Variants in RIMKLA observed in about 807,000 individuals in gnomAD.
RIMKLA encodes the protein ribosomal modification protein rimK like family member A.
Under a neutral mutation model 32.7 loss-of-function variants are expected in RIMKLA, and 14 were observed. That is an observed-to-expected ratio of 0.43 (90% CI 0.28 to 0.67). The LOEUF is 0.67. Among genes scored for constraint, RIMKLA ranks in the 30% least tolerant of loss-of-function variants. The pLI is 0.18. For missense variants in RIMKLA, 410 were observed against 519.0 expected (o/e 0.79, Z 2.04); for synonymous variants, 176 against 204.1 (o/e 0.86, Z 1.18).
chr1:42,393,516 G>A (rs12751841), intron 1 of RIMKLA, among the ~76,000 whole-genome samples: 1 of 152,134 alleles, frequency 6.6e-6, no homozygotes, highest in African/African-American at 2.4e-5. Context: ...AGAGAAAATG[G>A]CCACATAAAT....
At chr1:42,405,632 A>G (rs1449602323) in intron 3 of RIMKLA, among the ~76,000 whole-genome samples, 1 of 152,212 alleles carries the variant, frequency 6.6e-6, no homozygotes, top group African/African-American at 2.4e-5. Flanking sequence ...CCTGGGCGAC[A>G]GAGTGAGACC....
chr1:42,412,589 G>A, intron 4 of RIMKLA: 2 of 508,656 alleles, frequency 3.9e-6, no homozygotes, highest in Admixed American at 2.0e-5. Flanking sequence ...CTCCCCACTT[G>A]TTTAACCTGC....
In RIMKLA at chr1:42,421,941, A is replaced by T. The variant is rs909700406; in HGVS notation, c.*6967A>T. ...ACAATATAATGGCGTGCTATTGCAC[A>T]TCTCTTCCCAACCTGAACATTCAGT... On this transcript the variant is annotated 3_prime_UTR_variant, in exon 5 of 5. Transcript: ENST00000431473. The surrounding 1 kb of genome is among the most constrained non-coding windows in gnomAD (Gnocchi z 4.6). 2.0e-5 allele frequency: 3 copies of T among 152,234 alleles called. No homozygotes were observed. The highest frequency in any genetic ancestry group is 7.2e-5 in the African/African-American group (3 of 41,462). The allele number at this position is 152,234 out of a possible 1,614,324, so 9.4% of individuals were successfully genotyped here.
Position 42,418,303 on chromosome 1 carries a change from T to G in RIMKLA, c.*3329T>G, listed in dbSNP as rs1643268173. 1 of 152,216 alleles carries G rather than the reference T, an allele frequency of 6.6e-6. No individual in the cohort carries two copies. The highest frequency in any genetic ancestry group is 1.5e-5 in the Non-Finnish European group (1 of 68,044). The allele number at this position is 152,216 out of a possible 1,614,324, so 9.4% of individuals were successfully genotyped here. A position where few individuals can be genotyped will look rare whatever the true frequency, so the allele number is the denominator to read the frequency against. ...GGGAAAAATGTCTTCATGCTGTTTT[T>G]CTGATCGGGTATGGGGTTGCCAGAA... On this transcript the variant is annotated 3_prime_UTR_variant, in exon 5 of 5. Transcript: ENST00000431473.
In RIMKLA at chr1:42,418,438, A is replaced by G. The variant is rs1643269230; in HGVS notation, c.*3464A>G. Reference sequence around the variant, plus strand: ...TTGCTTCCAGCTAAAAGGAGATTCCATGACCATGGGGACCAGGAGAGGAGG... The same window carrying G: ...TTGCTTCCAGCTAAAAGGAGATTCCGTGACCATGGGGACCAGGAGAGGAGG... On this transcript the variant is annotated 3_prime_UTR_variant, in exon 5 of 5. Coordinates refer to ENST00000431473, the MANE Select transcript of RIMKLA (RefSeq NM_173642.4). The G allele has an allele frequency of 6.6e-6, 1 of 152,238 alleles. No individual in the cohort carries two copies. Among genetic ancestry groups the G allele is most frequent in the Admixed American group, 6.5e-5 (1 of 15,280 alleles). 9.4% of individuals were successfully genotyped at this position (152,238 alleles called of 1,614,324 possible).
At chr1:42,384,514 T>G (rs1642917728) in intron 1 of RIMKLA, among the ~76,000 whole-genome samples, 1 of 148,912 alleles carries the variant, frequency 6.7e-6, no homozygotes, top group Admixed American at 6.8e-5. Flanking sequence ...TATATATGTA[T>G]ATATGTGTGT....
rs1009737943 is a variant in RIMKLA, at chr1:42,422,118, A to G, written c.*7144A>G. The G allele has an allele frequency of 6.6e-6, 1 of 152,194 alleles. No homozygotes were observed. Among genetic ancestry groups the G allele is most frequent in the Non-Finnish European group, 1.5e-5 (1 of 68,046 alleles). The allele number at this position is 152,194 out of a possible 1,614,324, so 9.4% of individuals were successfully genotyped here. ...TGCTGCTGGGAGACAGAGAGAAGAA[A>G]CTGATACACGTGAGCACTGAAACAT... On this transcript the variant is annotated 3_prime_UTR_variant, in exon 5 of 5. Coordinates refer to ENST00000431473, the MANE Select transcript of RIMKLA (RefSeq NM_173642.4).
At chr1:42,401,294 G>A (rs995067598) in intron 2 of RIMKLA, among the ~76,000 whole-genome samples, 1 of 152,154 alleles carries the variant, frequency 6.6e-6, no homozygotes, top group Non-Finnish European at 1.5e-5. Flanking sequence ...ACAGGCCACA[G>A]CCTGTTATTA....
At chr1:42,413,521 A>AAAAG (rs1282948558) in intron 4 of RIMKLA, among the ~76,000 whole-genome samples, 6 of 151,308 alleles carry the variant, frequency 4.0e-5, no homozygotes, top group African/African-American at 7.3e-5. Context: ...AAAAAAAAAA[A>AAAAG]AAAGAAAGAA....
Position 42,414,748 on chromosome 1 carries a change from T to C in RIMKLA, c.950T>C (p.Leu317Pro), listed in dbSNP as rs904688570. The stretch of plus-strand genomic sequence containing the variant: ...GGAAAGATGGCTGTCCTCCCAGGAC[T>C]GTCGAGTCCAAGGGAGAAGAACGAG... ...QTGKMAVLPGLSSPREKNEPD... is the reference protein window; with the variant it reads ...QTGKMAVLPGPSSPREKNEPD... The change falls in exon 5 of 5, where the codon CTG becomes CCG. Residue 317 changes from leucine (L) to proline (P), a missense_variant. Transcript: ENST00000431473. 2 of 1,614,080 alleles carry C rather than the reference T, an allele frequency of 1.2e-6. No individual in the cohort carries two copies. The highest frequency in any genetic ancestry group is 2.7e-5 in the African/African-American group (2 of 74,932).
intron 4 of RIMKLA, among the ~76,000 whole-genome samples, chr1:42,414,126 A>T (rs1343957972): frequency 6.6e-6 from 1 of 151,590 alleles, no homozygotes; most frequent in Admixed American, 6.6e-5. Flanking sequence ...ATAATTTTTC[A>T]TTTCTTCATT....
chr1:42,402,842 C>T (rs952516780), intron 2 of RIMKLA, among the ~76,000 whole-genome samples: 5 of 152,078 alleles, frequency 3.3e-5, no homozygotes, highest in African/African-American at 9.7e-5. Flanking sequence ...CCGCCCACCT[C>T]GGCGCCCACG....
chr1:42,403,034 C>G (rs1643114222), intron 2 of RIMKLA, among the ~76,000 whole-genome samples: 1 of 152,134 alleles, frequency 6.6e-6, no homozygotes, highest in Non-Finnish European at 1.5e-5. Context: ...CCCACTGTAC[C>G]TACAAAACAC....
chr1:42,385,891 TTTCTTTCC>T (rs1330198409), intron 1 of RIMKLA, among the ~76,000 whole-genome samples: 33 of 77,126 alleles, frequency 4.3e-4, no homozygotes, highest in East Asian at 3.3e-3. Flanking sequence ...TCTTTCTTTC[TTTCTTTCC>T]TTCTTTCCTT....
At chr1:42,403,512 A>T (rs1643118608) in intron 2 of RIMKLA, among the ~76,000 whole-genome samples, 1 of 152,250 alleles carries the variant, frequency 6.6e-6, no homozygotes, top group African/African-American at 2.4e-5. Flanking sequence ...ACCCAGGTTC[A>T]TAAAACAATT....
chr1:42,404,250 A>C (rs1405229177), intron 2 of RIMKLA, among the ~76,000 whole-genome samples: 1 of 152,208 alleles, frequency 6.6e-6, no homozygotes, highest in Non-Finnish European at 1.5e-5. Flanking sequence ...AGGGAAAGGT[A>C]TCTACCTATA....
rs1335024560 is a variant in RIMKLA, at chr1:42,385,751, CTTTCTTTCTTTCTTTCTTTG to C, written c.163+4662_163+4681del. On this transcript the variant is annotated intron_variant, in intron 1 of 4. Transcript: ENST00000431473. ...TCTTTCTTTCTTTCTTTCTTTCTTT[CTTTCTTTCTTTCTTTCTTTG>C]TTTCTTTGTTTGTTTGTTTCTTTCT... Among the ~76,000 whole-genome samples the C allele has an allele frequency of 3.5e-4, 34 of 95,988 alleles. 1 individual carries two copies. The highest frequency in any genetic ancestry group is 1.6e-3 in the African/African-American group (32 of 20,136). 63.0% of individuals were successfully genotyped at this position (95,988 alleles called of 152,430 possible). A position where few individuals can be genotyped will look rare whatever the true frequency, so the allele number is the denominator to read the frequency against.
At position 42,399,442 on chromosome 1, in the gene RIMKLA, G is replaced by A. The variant is rs1284074877; in HGVS notation, c.202G>A (p.Asp68Asn). ...CCAGAAGGCCCTCACCACTTTCCCG[G>A]ATGTGGTGCTTGTACGGGTACCCAC... is the stretch of plus-strand genomic sequence containing the variant. ...LNQKALTTFP[D>N]VVLVRVPTPS... is the part of the protein sequence containing the mutation. The change falls in exon 2 of 5, where the codon GAT (aspartate) becomes AAT (asparagine). Residue 68 changes from aspartate to asparagine, a missense_variant. Physicochemically the swap from Asp to Asn is conservative, Grantham distance 23. Transcript: ENST00000431473. The A allele has an allele frequency of 6.2e-7, 1 of 1,612,734 alleles. No individual in the cohort carries two copies. Among genetic ancestry groups the A allele is most frequent in the Non-Finnish European group, 8.5e-7 (1 of 1,179,458 alleles).
intron 4 of RIMKLA, among the ~76,000 whole-genome samples, chr1:42,413,144 A>C (rs1643215141): frequency 6.6e-6 from 1 of 152,066 alleles, no homozygotes; most frequent in South Asian, 2.1e-4. Context: ...AAATAAATAA[A>C]TAAATAAATA....
Sources: allele counts gnomAD v4.1 joint callset (sites outside exome capture counted in the v4.1 genomes callset), GRCh38; gene constraint gnomAD v4.1.1; non-coding constraint Gnocchi (gnomAD v3.1); transcripts MANE v1.5; gene names NCBI Gene and HGNC (gene_info 2026-07-23, HGNC 2026-07-21).